Variants in HOMER1 observed in about 807,000 individuals in gnomAD.
The protein encoded by HOMER1 is homer scaffold protein 1.
A neutral mutation model predicts 48.9 loss-of-function variants in HOMER1; 3 were observed. The observed-to-expected ratio is 0.06, with a 90% CI of 0.03 to 0.16. The LOEUF (loss-of-function observed/expected upper bound fraction) is 0.16, where lower values mean the gene tolerates loss of function less well. Ranked by LOEUF, HOMER1 falls within the 10% of genes least tolerant of loss-of-function variation. HOMER1 has a pLI of 1.00. For missense variants in HOMER1, 247 were observed against 411.4 expected (o/e 0.60, Z 3.46); for synonymous variants, 134 against 146.4 (o/e 0.92, Z 0.61).
intron 5 of HOMER1, among the ~76,000 whole-genome samples, chr5:79,435,118 T>C (rs1179998367): frequency 1.3e-5 from 2 of 152,184 alleles, no homozygotes; most frequent in African/African-American, 4.8e-5. Context: ...ATTTTTATAA[T>C]AAAAAGTTAT....
intron 1 of HOMER1, among the ~76,000 whole-genome samples, chr5:79,498,466 AG>A (rs1752486024): frequency 6.6e-6 from 1 of 152,354 alleles, no homozygotes; most frequent in South Asian, 2.1e-4. Context: ...AGTTGCTAGT[AG>A]GAACTCAAAA....
In HOMER1 at chr5:79,372,837, T is replaced by G. The variant is rs1580405103; in HGVS notation, c.*3172A>C. The G allele has an allele frequency of 6.6e-6, 1 of 152,110 alleles. No individual in the cohort carries two copies. The highest frequency in any genetic ancestry group is 1.9e-4 in the East Asian group (1 of 5,194). The allele number at this position is 152,110 out of a possible 1,614,324, so 9.4% of individuals were successfully genotyped here. A position where few individuals can be genotyped will look rare whatever the true frequency, so the allele number is the denominator to read the frequency against. ...TTTAATTTTAACAGGGCAAATAAAC[T>G]AGTTTTTAAAGGTAGTGGTGGTGTT... On this transcript the variant is annotated 3_prime_UTR_variant, in exon 9 of 9. Transcript: ENST00000334082.
At chr5:79,436,086 A>ACTGCAGT (rs1323548670) in intron 5 of HOMER1, among the ~76,000 whole-genome samples, 10 of 151,488 alleles carry the variant, frequency 6.6e-5, no homozygotes, top group Admixed American at 1.3e-4. Context: ...AGATTGCGCC[A>ACTGCAGT]CTGCAGTCCG....
intron 2 of HOMER1, among the ~76,000 whole-genome samples, chr5:79,452,969 GT>G (rs5868994): frequency 0.33 from 49,619 of 152,000 alleles, 8,553 homozygotes; most frequent in African/African-American, 0.44. Flanking sequence ...TCAACAAATG[GT>G]TAAGGAATCA....
chr5:79,489,825 T>G (rs1485476476), intron 1 of HOMER1, among the ~76,000 whole-genome samples: 1 of 152,190 alleles, frequency 6.6e-6, no homozygotes, highest in Non-Finnish European at 1.5e-5. Context: ...GTACACTTAT[T>G]GCATAGATGC....
chr5:79,487,941 G>A (rs1314057632), intron 1 of HOMER1, among the ~76,000 whole-genome samples: 1 of 150,724 alleles, frequency 6.6e-6, no homozygotes, highest in Non-Finnish European at 1.5e-5. Context: ...AAAACAATAT[G>A]AGCCACATGT....
Position 79,513,019 on chromosome 5 carries a change from G to A in HOMER1, c.-245C>T, listed in dbSNP as rs1398820175. 12 of 572,778 alleles carry A rather than the reference G, an allele frequency of 2.1e-5. No homozygotes were observed. The highest frequency in any genetic ancestry group is 3.1e-5 in the Non-Finnish European group (10 of 322,042). The allele number at this position is 572,778 out of a possible 1,614,324, so 35.5% of individuals were successfully genotyped here. ...CTTATTCGAGTTAAAATGCTTTGCG[G>A]AGGAGACAGCGATCAACTCTATTCC... On this transcript the variant is annotated 5_prime_UTR_variant, in exon 1 of 9. Transcript: ENST00000334082.
At position 79,375,834 on chromosome 5, in the gene HOMER1, A is replaced by T. The variant is rs1441644911; in HGVS notation, c.*175T>A. Reference sequence around the variant, plus strand: ...TTTTCCCCAACTAGCTACAAGCTGGATTCTAAAATTTACAGTGAAATATAC... The same window carrying T: ...TTTTCCCCAACTAGCTACAAGCTGGTTTCTAAAATTTACAGTGAAATATAC... On this transcript the variant is annotated 3_prime_UTR_variant, in exon 9 of 9. Transcript: ENST00000334082. The T allele has an allele frequency of 9.7e-6, 4 of 411,860 alleles. No homozygotes were observed. Among genetic ancestry groups the T allele is most frequent in the Non-Finnish European group, 1.7e-5 (4 of 236,286 alleles). 25.5% of individuals were successfully genotyped at this position (411,860 alleles called of 1,614,324 possible).
chr5:79,406,051 T>C (rs1292630206), intron 5 of HOMER1, among the ~76,000 whole-genome samples: 3 of 152,184 alleles, frequency 2.0e-5, no homozygotes, highest in African/African-American at 7.2e-5. Context: ...CTAGTTGCCT[T>C]GTTTTGGCGT....
chr5:79,483,238 TTC>T (rs781139120), intron 1 of HOMER1, among the ~76,000 whole-genome samples: 1 of 152,154 alleles, frequency 6.6e-6, no homozygotes, highest in Non-Finnish European at 1.5e-5. Context: ...GGCAGTTGAC[TTC>T]TCATTGGAAA....
intron 8 of HOMER1, among the ~76,000 whole-genome samples, chr5:79,379,444 T>C (rs1300775945): frequency 8.7e-6 from 1 of 114,738 alleles, no homozygotes; most frequent in Non-Finnish European, 1.7e-5. Flanking sequence ...TTATTATATA[T>C]TTATATAATA....
At chr5:79,463,680 T>C (rs990530076) in intron 1 of HOMER1, among the ~76,000 whole-genome samples, 1 of 152,244 alleles carries the variant, frequency 6.6e-6, no homozygotes, top group Admixed American at 6.5e-5. Flanking sequence ...AGTTCAGAAC[T>C]ATACAAGCTA....
At chr5:79,491,074 G>GAA (rs1491046966) in intron 1 of HOMER1, among the ~76,000 whole-genome samples, 2 of 22,562 alleles carry the variant, frequency 8.9e-5, no homozygotes, top group Non-Finnish European at 1.1e-4. Flanking sequence ...TAGTACCAAA[G>GAA]CAAAAAAAAA....
intron 1 of HOMER1, among the ~76,000 whole-genome samples, chr5:79,482,165 A>G (rs1751967655): frequency 6.6e-6 from 1 of 152,126 alleles, no homozygotes; most frequent in African/African-American, 2.4e-5. Context: ...GGCTGCAGTG[A>G]GCCATGGTAC....
chr5:79,391,067 TA>T (rs1038689982), intron 8 of HOMER1, among the ~76,000 whole-genome samples: 1 of 148,684 alleles, frequency 6.7e-6, no homozygotes, highest in Non-Finnish European at 1.5e-5. Flanking sequence ...ATAAATAAGA[TA>T]AAAACAGAAA....
rs543355755 is a variant in HOMER1, at chr5:79,510,482, C to G, written c.5+2288G>C. ...CACACACAACCAGTCCCAAAAATGG[C>G]ACAGAAATGGTATCAAGAAACCCGA... On this transcript the variant is annotated intron_variant, in intron 1 of 8. Coordinates refer to ENST00000334082, the MANE Select transcript of HOMER1 (RefSeq NM_004272.5). The G allele has an allele frequency of 1.4e-3, 993 of 698,418 alleles. 10 individuals carry two copies. Among genetic ancestry groups the G allele is most frequent in the African/African-American group, 0.014 (807 of 57,206 alleles). 43.3% of individuals were successfully genotyped at this position (698,418 alleles called of 1,614,324 possible). A position where few individuals can be genotyped will look rare whatever the true frequency, so the allele number is the denominator to read the frequency against.
At chr5:79,423,891 T>C (rs1350884669) in intron 5 of HOMER1, among the ~76,000 whole-genome samples, 1 of 152,086 alleles carries the variant, frequency 6.6e-6, no homozygotes, top group Non-Finnish European at 1.5e-5. Flanking sequence ...AATCCCTTCA[T>C]TTTTGAGACA....
intron 1 of HOMER1, among the ~76,000 whole-genome samples, chr5:79,477,833 G>T (rs186773624): frequency 6.6e-6 from 1 of 151,500 alleles, no homozygotes; most frequent in Non-Finnish European, 1.5e-5. Flanking sequence ...GCCAGGAGTT[G>T]TAAGTATGCT....
intron 2 of HOMER1, among the ~76,000 whole-genome samples, chr5:79,454,159 TA>T (rs1751101867): frequency 1.3e-5 from 2 of 152,240 alleles, no homozygotes; most frequent in African/African-American, 2.4e-5. Context: ...GATTATGTGT[TA>T]ATCACTAAAA....
Sources: gnomAD v4.1 joint callset for allele counts (sites outside exome capture counted in the v4.1 genomes callset) on GRCh38, gnomAD v4.1.1 for gene constraint, MANE v1.5 for transcripts, NCBI Gene and HGNC (gene_info 2026-07-23, HGNC 2026-07-21) for gene names.